TBCE: variants seen among roughly 807,000 people sequenced by gnomAD.
TBCE encodes tubulin folding cofactor E, also known as tubulin-specific chaperone E.
In TBCE, 53 loss-of-function variants were observed where a neutral mutation model predicts 77.0. The ratio of observed to expected loss-of-function variants is 0.69; its 90% CI spans 0.55 to 0.87. TBCE has a LOEUF of 0.87. Among genes scored for constraint, TBCE ranks in the 40% least tolerant of loss-of-function variants. The pLI, the probability that TBCE is intolerant of heterozygous loss-of-function variation, is 0.00. For missense variants in TBCE, 624 were observed against 622.4 expected (o/e 1.00, Z -0.03); for synonymous variants, 235 against 241.3 (o/e 0.97, Z 0.24).
At chr1:235,420,084 A>G (rs1037838447) in intron 5 of TBCE, among the ~76,000 whole-genome samples, 2 of 149,914 alleles carry the variant, frequency 1.3e-5, no homozygotes, top group African/African-American at 2.5e-5. Flanking sequence ...CTTCATCTCA[A>G]AAAAAAAGAA....
intron 12 of TBCE, 68 bp downstream of exon 12, chr1:235,437,542 TG>T (rs1681545110): frequency 3.8e-6 from 6 of 1,580,536 alleles, no homozygotes. Flanking sequence ...CCAGGCGCCG[TG>T]GCTCACACCT....
In TBCE at chr1:235,448,755, G is replaced by A. The variant is rs140662460; in HGVS notation, c.1577G>A (p.Arg526Gln). Residue 526 changes from arginine (R) to glutamine (Q), a missense_variant, in exon 17 of 17, where the codon CGA (arginine) becomes CAA (glutamine). Physicochemically the swap from Arg to Gln is conservative, Grantham distance 43 (BLOSUM62 1). Coordinates refer to ENST00000642610, the MANE Select transcript of TBCE (RefSeq NM_003193.5). ...GAAAATGGAGATTGTCTATTAGTGC[G>A]ATGGTGACAACCAACTAATAAAATT... The part of the protein sequence containing the change: ...SVENGDCLLV[R>Q]W 2,425 of 1,610,840 alleles carry A rather than the reference G, an allele frequency of 1.5e-3. 4 individuals carry two copies. Among genetic ancestry groups the A allele is most frequent in the Admixed American group, 2.7e-3 (163 of 60,000 alleles).
rs565561194 is a variant in TBCE at position 235,402,511 on chromosome 1, G to C, written c.185+924G>C. ...TGATTTTTATTAGTTTTCAATTTCT[G>C]AAAACGATCTTTCCCTAGTAAGCTG... On this transcript the variant is annotated intron_variant, in intron 3 of 16. Coordinates refer to ENST00000642610, the MANE Select transcript of TBCE (RefSeq NM_003193.5). Among the ~76,000 whole-genome samples the C allele has an allele frequency of 4.0e-3, 603 of 152,252 alleles. 4 individuals are homozygous for C. The highest frequency in any genetic ancestry group is 0.014 in the African/African-American group (575 of 41,546).
chr1:235,371,886 C>G (rs1676981329), intron 1 of TBCE, among the ~76,000 whole-genome samples: 1 of 152,278 alleles, frequency 6.6e-6, no homozygotes, highest in Non-Finnish European at 1.5e-5. Flanking sequence ...GTTGGCCGGG[C>G]TGGTCTCGAA....
At chr1:235,389,997 G>A (rs1052824807) in intron 2 of TBCE, among the ~76,000 whole-genome samples, 12 of 151,738 alleles carry the variant, frequency 7.9e-5, no homozygotes, top group Admixed American at 6.6e-4. Context: ...TTTGTGGTGC[G>A]CTCCTGTAGC....
chr1:235,389,242 C>T (rs1366346393), intron 2 of TBCE, among the ~76,000 whole-genome samples: 1 of 152,286 alleles, frequency 6.6e-6, no homozygotes, highest in African/African-American at 2.4e-5. Context: ...ACACTTTCTT[C>T]ATGCATGTTT....
chr1:235,439,476 A>G (rs943885425), intron 13 of TBCE, among the ~76,000 whole-genome samples: 1 of 151,516 alleles, frequency 6.6e-6, no homozygotes, highest in African/African-American at 2.4e-5. Context: ...AGCCTGGGCG[A>G]CAGAACGAGA....
intron 3 of TBCE, among the ~76,000 whole-genome samples, chr1:235,407,729 A>G (rs1679535069): frequency 6.6e-6 from 1 of 152,192 alleles, no homozygotes; most frequent in South Asian, 2.1e-4. Context: ...AGATTTATCC[A>G]AGATTTATGG....
intron 9 of TBCE, chr1:235,436,162 AT>A: frequency 1.6e-6 from 1 of 607,344 alleles, no homozygotes. Context: ...AGCACCTGAC[AT>A]AGCAGTAGGT....
intron 11 of TBCE, 147 bp downstream of exon 11, chr1:235,436,755 C>T (rs1391801950): frequency 1.4e-5 from 11 of 773,244 alleles, no homozygotes; most frequent in Non-Finnish European, 2.2e-5. Context: ...TCATAAGAAG[C>T]CAAAAATATT....
chr1:235,428,800 C>T (rs111880257), intron 6 of TBCE, among the ~76,000 whole-genome samples: 2,931 of 150,954 alleles, frequency 0.019, 33 homozygotes, highest in Middle Eastern at 0.038. Flanking sequence ...CGAGCCACCA[C>T]GCCCAACTAA....
chr1:235,434,203 G>C lies in TBCE; in HGVS notation c.661-1G>C, dbSNP rs1681279239. 1 of 1,614,002 alleles carries C rather than the reference G, an allele frequency of 6.2e-7. No individual in the cohort carries two copies. Among genetic ancestry groups the C allele is most frequent in the Non-Finnish European group, 8.5e-7 (1 of 1,180,038 alleles). On this transcript the variant is annotated splice_acceptor_variant, in intron 7 of 16. Transcript: ENST00000642610. LOFTEE classifies it high-confidence loss of function. Reference sequence around the variant, plus strand: ...GAGCCTGAACCGAGTTTCTCTTCCAGGTGCTGCGGTGTGTCGCGGGGTGCC... The same window carrying C: ...GAGCCTGAACCGAGTTTCTCTTCCACGTGCTGCGGTGTGTCGCGGGGTGCC...
intron 2 of TBCE, among the ~76,000 whole-genome samples, chr1:235,381,412 C>T (rs1479779989): frequency 5.3e-5 from 8 of 151,870 alleles, no homozygotes; most frequent in Non-Finnish European, 8.8e-5. Flanking sequence ...GGGCCGGGCA[C>T]GGTGGCTCAC....
At chr1:235,404,961 T>C (rs900704341) in intron 3 of TBCE, among the ~76,000 whole-genome samples, 6 of 101,538 alleles carry the variant, frequency 5.9e-5, no homozygotes, top group Admixed American at 4.5e-4. Context: ...TGCCCGGTAC[T>C]TTTTTTTTTT....
chr1:235,413,868 T>TTTTG (rs1439255005), intron 3 of TBCE: 1 of 145,938 alleles, frequency 6.9e-6, no homozygotes, highest in Non-Finnish European at 1.5e-5. Flanking sequence ...TTTTTTTTTT[T>TTTTG]TTTTTAGATG....
Position 235,448,415 on chromosome 1 carries a change from T to G in TBCE, c.1466T>G (p.Leu489Arg). Residue 489 changes from leucine (L) to arginine (R), a missense_variant, in exon 16 of 17, where the codon CTT becomes CGT. Leu to Arg is a moderately radical substitution (Grantham distance 102, BLOSUM62 -2). Coordinates refer to ENST00000642610, the MANE Select transcript of TBCE (RefSeq NM_003193.5). The part of the protein sequence containing the change: ...SRLLKVPVSD[L>R]LLSYESPKKP... ...CTTCTCAAAGTTCCTGTGTCAGACC[T>G]TCTGTTGTCCTATGAAAGTCCCAAA... 6.2e-7 allele frequency: 1 copy of G among 1,614,128 alleles called. No individual in the cohort carries two copies. Among genetic ancestry groups the G allele is most frequent in the Non-Finnish European group, 8.5e-7 (1 of 1,180,020 alleles).
intron 15 of TBCE, among the ~76,000 whole-genome samples, chr1:235,447,656 C>T (rs774845934): frequency 2.6e-5 from 4 of 152,046 alleles, no homozygotes; most frequent in Admixed American, 6.6e-5. Flanking sequence ...TTCCAGTGTT[C>T]GTTCAGTAAT....
Position 235,422,123 on chromosome 1 carries a change from A to G in TBCE, c.460+2562A>G, listed in dbSNP as rs7355143. Among the ~76,000 whole-genome samples, 1,124 of 152,344 alleles carry G rather than the reference A, an allele frequency of 7.4e-3. 10 individuals are homozygous for G. The highest frequency in any genetic ancestry group is 0.026 in the African/African-American group (1,083 of 41,580). The stretch of plus-strand genomic sequence containing the variant: ...AGGCAGCTGGAGTGAGGGGAATTGA[A>G]GTGGATGCAGAAAAGAGTTTGCTGA... On this transcript the variant is annotated intron_variant, in intron 5 of 16. Transcript: ENST00000642610.
intron 2 of TBCE, among the ~76,000 whole-genome samples, chr1:235,399,174 CG>C (rs1454016825): frequency 3.3e-5 from 5 of 151,938 alleles, no homozygotes; most frequent in Admixed American, 3.3e-4. Flanking sequence ...AGGCTGGTCT[CG>C]AACTCCTGAG....
Sources: gnomAD v4.1 joint callset for allele counts (sites outside exome capture counted in the v4.1 genomes callset) on GRCh38, gnomAD v4.1.1 for gene constraint, MANE v1.5 for transcripts, NCBI Gene and HGNC (gene_info 2026-07-23, HGNC 2026-07-21) for gene names.